THSD4: variants seen among roughly 807,000 people sequenced by gnomAD.
THSD4 encodes thrombospondin type-1 domain-containing protein 4.
In THSD4, 69 loss-of-function variants were observed where a neutral mutation model predicts 119.0. The observed-to-expected ratio is 0.58, with a 90% CI of 0.48 to 0.71. The LOEUF is 0.71. Among genes scored for constraint, THSD4 ranks in the 30% least tolerant of loss-of-function variants. The pLI, the probability that THSD4 is intolerant of heterozygous loss-of-function variation, is 0.00. For missense variants in THSD4, 1,393 were observed against 1,391.1 expected, an observed-to-expected ratio of 1.00 and a Z score of -0.02; for synonymous variants, 524 against 540.4, an observed-to-expected ratio of 0.97 and a Z score of 0.42.
intron 7 of THSD4, among the ~76,000 whole-genome samples, chr15:71,441,972 T>A (rs1282572450): frequency 6.6e-6 from 1 of 152,008 alleles, no homozygotes; most frequent in Non-Finnish European, 1.5e-5. Flanking sequence ...TTTGTTTTGT[T>A]TTTTTGAGAC....
chr15:71,134,227 T>A (rs1372870395), intron 1 of THSD4, among the ~76,000 whole-genome samples: 1 of 152,222 alleles, frequency 6.6e-6, no homozygotes, highest in Non-Finnish European at 1.5e-5. Flanking sequence ...CCTCTGGCTG[T>A]CCTCATAGGC....
intron 7 of THSD4, among the ~76,000 whole-genome samples, chr15:71,474,830 A>G (rs1012086960): frequency 1.3e-5 from 2 of 152,114 alleles, no homozygotes; most frequent in Non-Finnish European, 2.9e-5. Flanking sequence ...CTCCTTCTGG[A>G]TTCTAGCAAT....
chr15:71,206,715 C>T (rs533609380), intron 3 of THSD4, among the ~76,000 whole-genome samples: 2 of 152,304 alleles, frequency 1.3e-5, no homozygotes, highest in South Asian at 4.1e-4. Context: ...TATGAATTTA[C>T]TGGTGGCGAT....
rs549182458 is a variant in THSD4 at position 71,551,351 on chromosome 15, C to A, written c.1153-109179C>A. ...CTCTAAAAGGGGCACAGAATACAAA[C>A]AGTGAATGATCATGCAATAAGGGTC... On this transcript the variant is annotated intron_variant, in intron 7 of 17. Transcript: ENST00000261862. Among the ~76,000 whole-genome samples, 11 of 152,258 alleles carry A rather than the reference C, an allele frequency of 7.2e-5. No individual in the cohort carries two copies. The East Asian group carries it at 2.1e-3, about 29-fold the overall frequency.
At chr15:71,578,825 G>A (rs1202694914) in intron 7 of THSD4, among the ~76,000 whole-genome samples, 7 of 150,792 alleles carry the variant, frequency 4.6e-5, no homozygotes, top group Non-Finnish European at 8.8e-5. Context: ...TTGACTTGGG[G>A]GACTCTGGAC....
At position 71,143,120 on chromosome 15, in the gene THSD4, T is replaced by A. The variant is rs923322841; in HGVS notation, c.29+1564T>A. Among the ~76,000 whole-genome samples, 7 of 152,204 alleles carry A rather than the reference T, an allele frequency of 4.6e-5. No individual in the cohort carries two copies. The South Asian group carries it at 1.0e-3, about 23-fold the overall frequency. On this transcript the variant is annotated intron_variant, in intron 2 of 17. Coordinates refer to ENST00000261862, the MANE Select transcript of THSD4 (RefSeq NM_024817.3). ...ACAAACCTCTTTATCAATGACATAT[T>A]CACATGCATGTCAGATATGGTCAGA...
At chr15:71,435,855 C>G (rs897669335) in intron 7 of THSD4, among the ~76,000 whole-genome samples, 10 of 152,174 alleles carry the variant, frequency 6.6e-5, no homozygotes, top group African/African-American at 2.4e-4. Context: ...AAGATGGAAG[C>G]AACAGAAGCC....
intron 16 of THSD4, among the ~76,000 whole-genome samples, chr15:71,768,733 T>C (rs2053760683): frequency 6.7e-6 from 1 of 150,096 alleles, no homozygotes. Context: ...CACGGCTAAT[T>C]TTTTTGTATT....
At chr15:71,299,976 A>AAAAAAAAATATATATATATAT (rs1555462049) in intron 6 of THSD4, among the ~76,000 whole-genome samples, 1 of 48,320 alleles carries the variant, frequency 2.1e-5, no homozygotes, top group African/African-American at 7.7e-5. Flanking sequence ...AAAAAAAAAA[A>AAAAAAAAATATATATATATAT]ATATATATAT....
chr15:71,640,249 ATT>A (rs201551522), intron 7 of THSD4, among the ~76,000 whole-genome samples: 1 of 146,520 alleles, frequency 6.8e-6, no homozygotes, highest in Non-Finnish European at 1.5e-5. Context: ...TGCTCAGCTA[ATT>A]TTTTTTTTTT....
intron 6 of THSD4, among the ~76,000 whole-genome samples, chr15:71,404,758 C>G (rs906472518): frequency 1.3e-5 from 2 of 152,196 alleles, no homozygotes; most frequent in Admixed American, 1.3e-4. Flanking sequence ...GCAGGCAGAG[C>G]CTTCACCAGA....
chr15:71,636,480 T>A lies in THSD4; in HGVS notation c.1153-24050T>A, dbSNP rs541802755. 3.3e-5 allele frequency among the ~76,000 whole-genome samples: 5 copies of A among 152,166 alleles called. No individual in the cohort carries two copies. The South Asian group carries it at 1.0e-3, about 32-fold the overall frequency. On this transcript the variant is annotated intron_variant, in intron 7 of 17. Transcript: ENST00000261862. ...CTGCCTCATGGGCTACTACACAGAT[T>A]CAATGAAATAAGGGTAAACAAAAAT...
chr15:71,381,778 C>T (rs2046232412), intron 6 of THSD4, among the ~76,000 whole-genome samples: 1 of 151,936 alleles, frequency 6.6e-6, no homozygotes, highest in Non-Finnish European at 1.5e-5. Context: ...TTTAGTAATC[C>T]CACACAATTT....
chr15:71,722,528 G>A (rs1490496969), intron 8 of THSD4, among the ~76,000 whole-genome samples: 1 of 152,106 alleles, frequency 6.6e-6, no homozygotes, highest in African/African-American at 2.4e-5. Context: ...CCCATTAAAA[G>A]CAATAAAATC....
chr15:71,628,926 A>G (rs1387894520), intron 7 of THSD4, among the ~76,000 whole-genome samples: 1 of 152,140 alleles, frequency 6.6e-6, no homozygotes, highest in Non-Finnish European at 1.5e-5. Context: ...CCATCTAACT[A>G]ATATTTATTG....
chr15:71,450,407 AG>A (rs2047245962), intron 7 of THSD4, among the ~76,000 whole-genome samples: 1 of 151,974 alleles, frequency 6.6e-6, no homozygotes, highest in Non-Finnish European at 1.5e-5. Flanking sequence ...GTTGGGGGAG[AG>A]TAGAACAGGA....
chr15:71,243,090 C>T lies in THSD4; in HGVS notation c.906C>T (p.Asn302=), dbSNP rs2044168711. 1 of 1,611,204 alleles carries T rather than the reference C, an allele frequency of 6.2e-7. No individual in the cohort carries two copies. The change falls in exon 5 of 18, where the codon AAC becomes AAT. Residue 302 remains asparagine (N), a synonymous_variant. Coordinates refer to ENST00000261862, the MANE Select transcript of THSD4 (RefSeq NM_024817.3). ...CCTATCGGCAGTACAAGCTGTGCAA[C>T]ACCAACGTGAGTACACACAACCCAT... The part of the protein sequence containing the change: ...IGAYRQYKLC[N]TNVCPESSRS...
intron 10 of THSD4, among the ~76,000 whole-genome samples, chr15:71,736,593 C>T (rs1274164199): frequency 2.0e-5 from 3 of 151,650 alleles, no homozygotes; most frequent in Non-Finnish European, 4.4e-5. Context: ...GTCTCTCTTG[C>T]TCTCTTGGTC....
chr15:71,121,481 T>C (rs2040408806), intron 1 of THSD4, among the ~76,000 whole-genome samples: 1 of 152,126 alleles, frequency 6.6e-6, no homozygotes, highest in Non-Finnish European at 1.5e-5. Flanking sequence ...GACAACTGAC[T>C]CTTTGATTGA....
Sources: allele counts gnomAD v4.1 joint callset (sites outside exome capture counted in the v4.1 genomes callset), GRCh38; gene constraint gnomAD v4.1.1; transcripts MANE v1.5; gene names NCBI Gene and HGNC (gene_info 2026-07-23, HGNC 2026-07-21).